ALMS1: variants seen among roughly 807,000 people sequenced by gnomAD.
The protein encoded by ALMS1 is centrosome-associated protein ALMS1.
A neutral mutation model predicts 352.2 loss-of-function variants in ALMS1; 271 were observed. The ratio of observed to expected loss-of-function variants is 0.77; its 90% CI spans 0.70 to 0.85. ALMS1 has a LOEUF of 0.85. Ranked by LOEUF, ALMS1 falls within the 40% of genes least tolerant of loss-of-function variation. ALMS1 has a pLI of 0.00. For missense variants in ALMS1, 5,445 were observed against 4,870.7 expected, an observed-to-expected ratio of 1.12 and a Z score of -3.51; for synonymous variants, 1,865 against 1,761.2, an observed-to-expected ratio of 1.06 and a Z score of -1.48.
intron 16 of ALMS1, among the ~76,000 whole-genome samples, chr2:73,586,249 G>A (rs1485136334): frequency 1.3e-5 from 2 of 152,006 alleles, no homozygotes; most frequent in Non-Finnish European, 2.9e-5. Flanking sequence ...CTTTTGATGT[G>A]CAGGGCCCAT....
chr2:73,419,639 C>G (rs1177211583), intron 3 of ALMS1, among the ~76,000 whole-genome samples: 1 of 152,110 alleles, frequency 6.6e-6, no homozygotes. Context: ...TTGGTTATCT[C>G]AGCAATGGAG....
intron 9 of ALMS1, among the ~76,000 whole-genome samples, chr2:73,469,035 A>G (rs990719930): frequency 3.9e-5 from 4 of 103,138 alleles, no homozygotes; most frequent in African/African-American, 1.5e-4. Context: ...TGCTATGAGA[A>G]CGAGATCCAC....
rs1157162394 is a variant in ALMS1, at chr2:73,490,511, G to C, written c.8552G>C (p.Ser2851Thr). ...NHTLISMGRP[S>T]STLGVNRSSS... ...ACCCTTATTAGCATGGGCAGACCAAGTTCCACCCTAGGAGTAAACAGATCG... is the reference window on the plus strand; with the variant it reads ...ACCCTTATTAGCATGGGCAGACCAACTTCCACCCTAGGAGTAAACAGATCG... Residue 2851 changes from serine to threonine, a missense_variant, in exon 10 of 23, where the codon AGT becomes ACT. Coordinates refer to ENST00000613296, the MANE Select transcript of ALMS1 (RefSeq NM_001378454.1). 1 of 1,614,080 alleles carries C rather than the reference G, an allele frequency of 6.2e-7. No homozygotes were observed. The highest frequency in any genetic ancestry group is 1.3e-5 in the African/African-American group (1 of 74,950).
chr2:73,565,897 G>C (rs2104086014), intron 15 of ALMS1, among the ~76,000 whole-genome samples: 1 of 152,286 alleles, frequency 6.6e-6, no homozygotes, highest in Non-Finnish European at 1.5e-5. Context: ...AGACCTAAGA[G>C]AAGCCTAAGG....
At chr2:73,427,698 T>C (rs1008302464) in intron 6 of ALMS1, among the ~76,000 whole-genome samples, 2 of 152,164 alleles carry the variant, frequency 1.3e-5, no homozygotes, top group African/African-American at 4.8e-5. Flanking sequence ...CATTCTTTTA[T>C]AGAAGGCTTT....
intron 9 of ALMS1, among the ~76,000 whole-genome samples, chr2:73,483,335 GT>G (rs1277615810): frequency 2.0e-5 from 3 of 151,500 alleles, no homozygotes; most frequent in Non-Finnish European, 4.4e-5. Context: ...TATGTACCCA[GT>G]AGTCATTCAG....
At chr2:73,392,938 C>T (rs1226137324) in intron 1 of ALMS1, among the ~76,000 whole-genome samples, 1 of 152,074 alleles carries the variant, frequency 6.6e-6, no homozygotes, top group Admixed American at 6.6e-5. Flanking sequence ...CCAAAGTGGC[C>T]TTCCTATTAG....
At chr2:73,576,821 C>T (rs1675064891) in intron 16 of ALMS1, among the ~76,000 whole-genome samples, 1 of 151,920 alleles carries the variant, frequency 6.6e-6, no homozygotes, top group Non-Finnish European at 1.5e-5. Flanking sequence ...AGGGTTTCAC[C>T]ATGTTGGCCA....
At position 73,449,502 on chromosome 2, in the gene ALMS1, C is replaced by G. The variant is rs748781095; in HGVS notation, c.2975C>G (p.Thr992Ser). 5 of 1,613,964 alleles carry G rather than the reference C, an allele frequency of 3.1e-6. No individual in the cohort carries two copies. The highest frequency in any genetic ancestry group is 4.2e-6 in the Non-Finnish European group (5 of 1,179,994). ...SAIPGLTDQK[T>S]VPTPTVPSGS... ...ATTCCTGGACTGACTGACCAGAAGA[C>G]TGTCCCAACACCAACAGTACCTTCA... The change falls in exon 8 of 23, where the codon ACT (threonine) becomes AGT (serine). Residue 992 changes from threonine (T) to serine (S), a missense_variant. Coordinates refer to ENST00000613296, the MANE Select transcript of ALMS1 (RefSeq NM_001378454.1).
chr2:73,547,011 C>T (rs1204596155), intron 12 of ALMS1, among the ~76,000 whole-genome samples: 1 of 147,866 alleles, frequency 6.8e-6, no homozygotes, highest in Non-Finnish European at 1.5e-5. Flanking sequence ...TATTTTTTGA[C>T]TTTATGATGG....
intron 3 of ALMS1, among the ~76,000 whole-genome samples, chr2:73,420,865 G>A (rs1398431934): frequency 1.3e-5 from 2 of 152,202 alleles, no homozygotes; most frequent in Admixed American, 6.5e-5. Flanking sequence ...ATAGGCTCTC[G>A]CCAATGGCAA....
chr2:73,395,000 A>C (rs1020372275), intron 1 of ALMS1, among the ~76,000 whole-genome samples: 1 of 143,012 alleles, frequency 7.0e-6, no homozygotes, highest in Non-Finnish European at 1.5e-5. Flanking sequence ...GTATATATAT[A>C]TGTGTATATA....
intron 9 of ALMS1, among the ~76,000 whole-genome samples, chr2:73,481,316 C>A (rs1217025058): frequency 6.6e-6 from 1 of 152,148 alleles, no homozygotes; most frequent in Non-Finnish European, 1.5e-5. Flanking sequence ...TTTCCCAGCA[C>A]CATTTATTAA....
chr2:73,388,141 T>C (rs1670576207), intron 1 of ALMS1, among the ~76,000 whole-genome samples: 1 of 152,244 alleles, frequency 6.6e-6, no homozygotes, highest in Non-Finnish European at 1.5e-5. Context: ...GTCATTTACA[T>C]AGAGACCATA....
At chr2:73,471,567 A>G (rs1237208168) in intron 9 of ALMS1, among the ~76,000 whole-genome samples, 1 of 151,794 alleles carries the variant, frequency 6.6e-6, no homozygotes, top group Non-Finnish European at 1.5e-5. Flanking sequence ...ACTTGAATGA[A>G]CATTTCTTAA....
In ALMS1 at chr2:73,413,067, C is replaced by G. The variant is rs531234315; in HGVS notation, c.450+4320C>G. Among the ~76,000 whole-genome samples, 9 of 151,456 alleles carry G rather than the reference C, an allele frequency of 5.9e-5. No individual in the cohort carries two copies. The South Asian group carries it at 1.9e-3, about 32-fold the overall frequency. On this transcript the variant is annotated intron_variant, in intron 2 of 22. Transcript: ENST00000613296. ...CACTGTGATTTTAACATTCATTTCTCTAATGACTAATGATATATAGCATCT... is the reference window on the plus strand; with the variant it reads ...CACTGTGATTTTAACATTCATTTCTGTAATGACTAATGATATATAGCATCT...
At chr2:73,553,566 ACT>A (rs1345999394) in intron 13 of ALMS1, among the ~76,000 whole-genome samples, 1 of 152,198 alleles carries the variant, frequency 6.6e-6, no homozygotes, top group African/African-American at 2.4e-5. Context: ...GCGGTTATTA[ACT>A]CTTCAGGAAA....
At chr2:73,529,419 A>G (rs1673862825) in intron 11 of ALMS1, among the ~76,000 whole-genome samples, 1 of 152,162 alleles carries the variant, frequency 6.6e-6, no homozygotes, top group Admixed American at 6.5e-5. Context: ...TTAGTGTCAT[A>G]TTTAGTTCAT....
chr2:73,569,304 C>T (rs1026934000), intron 15 of ALMS1, among the ~76,000 whole-genome samples: 5 of 151,864 alleles, frequency 3.3e-5, no homozygotes, highest in Non-Finnish European at 7.4e-5. Flanking sequence ...CCTGAGCCAC[C>T]GTGCCCAGCC....
Sources: gnomAD v4.1 joint callset for allele counts (sites outside exome capture counted in the v4.1 genomes callset) on GRCh38, gnomAD v4.1.1 for gene constraint, MANE v1.5 for transcripts, NCBI Gene and HGNC (gene_info 2026-07-23, HGNC 2026-07-21) for gene names.